NGEF: variants seen among roughly 807,000 people sequenced by gnomAD.
NGEF encodes neuronal guanine nucleotide exchange factor.
NGEF carries 31 observed loss-of-function variants against 80.9 expected under a neutral mutation model. The ratio of observed to expected loss-of-function variants is 0.38; its 90% CI spans 0.29 to 0.52. NGEF has a LOEUF of 0.52. Ranked by LOEUF, NGEF falls within the 20% of genes least tolerant of loss-of-function variation. The probability of loss-of-function intolerance (pLI) is 0.84; values close to 1 mark genes in which losing one functional copy is unlikely to be tolerated. For synonymous variants in NGEF, 371 were observed against 370.2 expected, an observed-to-expected ratio of 1.00 and a Z score of -0.03; for missense variants, 709 against 926.2, an observed-to-expected ratio of 0.77 and a Z score of 3.04.
At chr2:232,939,510 A>T (rs1041000019) in intron 3 of NGEF, among the ~76,000 whole-genome samples, 3 of 152,248 alleles carry the variant, frequency 2.0e-5, no homozygotes, top group Non-Finnish European at 4.4e-5. Context: ...TTGAAGAAGT[A>T]GCATGTATTT....
chr2:232,940,958 T>C (rs959336374), intron 3 of NGEF, among the ~76,000 whole-genome samples: 4 of 152,146 alleles, frequency 2.6e-5, no homozygotes, highest in Admixed American at 1.3e-4. Context: ...GGAATTGCAA[T>C]AGAGAAAGAG....
chr2:232,907,026 C>T (rs1323320865), intron 5 of NGEF, among the ~76,000 whole-genome samples: 2 of 151,224 alleles, frequency 1.3e-5, no homozygotes, highest in South Asian at 2.1e-4. Context: ...TCTCAAGTAC[C>T]CAGGGACACA....
intron 5 of NGEF, among the ~76,000 whole-genome samples, chr2:232,905,322 T>A (rs1228449371): frequency 2.6e-5 from 4 of 152,242 alleles, no homozygotes; most frequent in Non-Finnish European, 5.9e-5. Flanking sequence ...CGGGCTGGTC[T>A]CCAGCTCCTA....
At chr2:232,969,284 AT>A (rs34202680) in intron 3 of NGEF, among the ~76,000 whole-genome samples, 13,561 of 151,456 alleles carry the variant, frequency 0.09, 710 homozygotes, top group Middle Eastern at 0.17. Context: ...TAGTACAGTG[AT>A]TTTTTTTTTT....
chr2:232,983,155 A>T (rs936053594), intron 1 of NGEF, among the ~76,000 whole-genome samples: 2 of 152,218 alleles, frequency 1.3e-5, no homozygotes, highest in Admixed American at 1.3e-4. Context: ...GAAAAATCTT[A>T]AGTGGAAATT....
chr2:232,925,633 G>A (rs1387344589), intron 4 of NGEF, among the ~76,000 whole-genome samples: 2 of 152,110 alleles, frequency 1.3e-5, no homozygotes, highest in East Asian at 3.9e-4. Flanking sequence ...AGGGAGGCAC[G>A]ATCTCCTCCC....
At chr2:232,980,247 T>C (rs372205500) in intron 1 of NGEF, among the ~76,000 whole-genome samples, 6 of 152,252 alleles carry the variant, frequency 3.9e-5, no homozygotes, top group African/African-American at 1.4e-4. Flanking sequence ...TGAATCAGTG[T>C]CCTGGGAGGT....
At chr2:232,909,047 C>T (rs1370356905) in intron 5 of NGEF, among the ~76,000 whole-genome samples, 1 of 152,170 alleles carries the variant, frequency 6.6e-6, no homozygotes. Context: ...GACATTCCTT[C>T]TTTCTGGCTT....
chr2:232,881,258 A>G lies in NGEF; in HGVS notation c.1838-8T>C. 6.2e-7 allele frequency: 1 copy of G among 1,603,146 alleles called. No homozygotes were observed. ...ACTGGACCTGGGGGCAGTCTGAGGG[A>G]CAAGAGGCACGGGCACATCCCCACC... On this transcript the variant is annotated splice_region_variant and splice_polypyrimidine_tract_variant and intron_variant, in intron 13 of 14. Coordinates refer to ENST00000264051, the MANE Select transcript of NGEF (RefSeq NM_019850.3).
Position 232,879,317 on chromosome 2 carries a change from G to T in NGEF, c.*172C>A. The T allele has an allele frequency of 1.6e-6, 1 of 617,438 alleles. No individual in the cohort carries two copies. Among genetic ancestry groups the T allele is most frequent in the Non-Finnish European group, 2.8e-6 (1 of 359,950 alleles). 38.2% of individuals were successfully genotyped at this position (617,438 alleles called of 1,614,324 possible). A position where few individuals can be genotyped will look rare whatever the true frequency, so the allele number is the denominator to read the frequency against. On this transcript the variant is annotated 3_prime_UTR_variant, in exon 15 of 15. Coordinates refer to ENST00000264051, the MANE Select transcript of NGEF (RefSeq NM_019850.3). ...CACCCTTTATCCAGTTTGCGAGCAA[G>T]GGGCCAAGACACATGAGCACTCACT...
chr2:232,879,464 C>A lies in NGEF; in HGVS notation c.*25G>T. The A allele has an allele frequency of 2.6e-6, 4 of 1,555,298 alleles. No homozygotes were observed. Among genetic ancestry groups the A allele is most frequent in the Non-Finnish European group, 3.5e-6 (4 of 1,135,652 alleles). ...CTGTCGGGGTCTCATGCAGGCCCTG[C>A]TCCCGCTGGCCCCCTGGGTGGGGGT... is the stretch of plus-strand genomic sequence containing the variant. On this transcript the variant is annotated 3_prime_UTR_variant, in exon 15 of 15. Transcript: ENST00000264051.
intron 5 of NGEF, among the ~76,000 whole-genome samples, chr2:232,906,887 A>G (rs2106261899): frequency 6.6e-6 from 1 of 151,620 alleles, no homozygotes; most frequent in South Asian, 2.1e-4. Flanking sequence ...CTTACCCCCA[A>G]CCCAGTGCTC....
At chr2:232,970,158 T>C in intron 3 of NGEF, 56 bp downstream of exon 3, 1 of 970,104 alleles carries the variant, frequency 1.0e-6, no homozygotes. Context: ...TTTGCAGCAA[T>C]GACCTCTGAT....
chr2:232,953,618 AGGG>A (rs1043168897), intron 3 of NGEF, among the ~76,000 whole-genome samples: 6 of 151,982 alleles, frequency 3.9e-5, no homozygotes, highest in Non-Finnish European at 8.8e-5. Context: ...CTGCCTGCCT[AGGG>A]GGAGATCTGC....
intron 5 of NGEF, among the ~76,000 whole-genome samples, chr2:232,920,036 A>G (rs1559208731): frequency 6.6e-6 from 1 of 152,224 alleles, no homozygotes; most frequent in East Asian, 1.9e-4. Context: ...CGATCCTACT[A>G]TCTCATCAGA....
chr2:233,007,441 G>A (rs1353869636), intron 1 of NGEF, among the ~76,000 whole-genome samples: 1 of 152,142 alleles, frequency 6.6e-6, no homozygotes, highest in Non-Finnish European at 1.5e-5. Flanking sequence ...CAGGCTGATC[G>A]TGGGTCTCCA....
chr2:232,976,196 A>G (rs1694289821), intron 1 of NGEF, among the ~76,000 whole-genome samples: 1 of 152,082 alleles, frequency 6.6e-6, no homozygotes, highest in African/African-American at 2.4e-5. Flanking sequence ...GCCAGACTCC[A>G]TCTCAAAAAA....
At chr2:232,985,507 C>A (rs1183563633) in intron 1 of NGEF, among the ~76,000 whole-genome samples, 2 of 152,086 alleles carry the variant, frequency 1.3e-5, no homozygotes, top group Non-Finnish European at 2.9e-5. Flanking sequence ...AATTCCAGCA[C>A]TTTGGGAGGC....
intron 3 of NGEF, among the ~76,000 whole-genome samples, chr2:232,960,404 A>G (rs1693923648): frequency 6.6e-6 from 1 of 152,080 alleles, no homozygotes; most frequent in Non-Finnish European, 1.5e-5. Context: ...GGGGCTTTGG[A>G]CTTTGCCTCC....
Sources: allele counts gnomAD v4.1 joint callset (sites outside exome capture counted in the v4.1 genomes callset), GRCh38; gene constraint gnomAD v4.1.1; transcripts MANE v1.5; gene names NCBI Gene and HGNC (gene_info 2026-07-23, HGNC 2026-07-21).